The following PLEKHA7 variants were observed in gnomAD, a reference collection of about 807,000 sequenced individuals.
The protein encoded by PLEKHA7 is pleckstrin homology domain-containing family A member 7.
Under a neutral mutation model 170.0 loss-of-function variants are expected in PLEKHA7, and 104 were observed. That is an observed-to-expected ratio of 0.61 (90% confidence interval 0.52 to 0.72). The LOEUF is 0.72. Among genes scored for constraint, PLEKHA7 ranks in the 30% least tolerant of loss-of-function variants. The pLI is 0.00. For synonymous variants in PLEKHA7, 648 were observed against 660.8 expected, an observed-to-expected ratio of 0.98 and a Z score of 0.30; for missense variants, 1,615 against 1,671.7, an observed-to-expected ratio of 0.97 and a Z score of 0.59.
At chr11:16,964,739 G>T (rs1246334378) in intron 3 of PLEKHA7, among the ~76,000 whole-genome samples, 2 of 152,180 alleles carry the variant, frequency 1.3e-5, no homozygotes, top group Non-Finnish European at 2.9e-5. Context: ...TCTCTTACAG[G>T]GCACTGCGCT....
At chr11:16,889,823 A>G (rs1856500008) in intron 3 of PLEKHA7, among the ~76,000 whole-genome samples, 1 of 152,168 alleles carries the variant, frequency 6.6e-6, no homozygotes, top group Non-Finnish European at 1.5e-5. Flanking sequence ...GATGCATTAC[A>G]AGAAGAATCT....
intron 3 of PLEKHA7, among the ~76,000 whole-genome samples, chr11:16,947,687 G>A (rs1190276134): frequency 1.3e-5 from 2 of 151,714 alleles, no homozygotes; most frequent in East Asian, 3.9e-4. Context: ...AGGCTGAGGC[G>A]GGTGGATTGC....
At chr11:16,826,620 T>G in intron 9 of PLEKHA7, 30 bp from the exon 10 acceptor site, 1 of 1,580,722 alleles carries the variant, frequency 6.3e-7, no homozygotes. Flanking sequence ...TTCAGTTTGC[T>G]CCACAGCCAA....
chr11:16,836,815 CTGTTTTTTT>C (rs1851549521), intron 9 of PLEKHA7, among the ~76,000 whole-genome samples: 2 of 138,394 alleles, frequency 1.4e-5, no homozygotes, highest in South Asian at 4.6e-4. Flanking sequence ...TTTGTTTTTT[CTGTTTTTTT>C]TGTTTTGTTT....
intron 3 of PLEKHA7, among the ~76,000 whole-genome samples, chr11:16,876,425 C>T (rs143531013): frequency 3.7e-4 from 57 of 152,350 alleles, no homozygotes; most frequent in African/African-American, 1.2e-3. Context: ...TTTCAAATCC[C>T]GCTCTTCCTC....
intron 4 of PLEKHA7, among the ~76,000 whole-genome samples, chr11:16,863,534 A>G (rs1008617864): frequency 6.6e-6 from 1 of 152,068 alleles, no homozygotes; most frequent in African/African-American, 2.4e-5. Context: ...TCTTCTCTCA[A>G]CCTTAGGCCC....
At chr11:16,940,579 C>A (rs1282417132) in intron 3 of PLEKHA7, among the ~76,000 whole-genome samples, 5 of 152,152 alleles carry the variant, frequency 3.3e-5, no homozygotes, top group Admixed American at 2.0e-4. Context: ...TGAGCCACTG[C>A]ACCTGGCCTC....
At chr11:16,851,063 T>C in intron 8 of PLEKHA7, 128 bp downstream of exon 8, 1 of 600,174 alleles carries the variant, frequency 1.7e-6, no homozygotes, top group Non-Finnish European at 2.8e-6. Context: ...ACTTACAACT[T>C]TGTTAACCGG....
intron 3 of PLEKHA7, among the ~76,000 whole-genome samples, chr11:16,957,697 C>CTTTTTTTTTTCT (rs58942054): frequency 1.0e-4 from 9 of 87,296 alleles, no homozygotes; most frequent in African/African-American, 4.6e-4. Flanking sequence ...TAATTTTTTT[C>CTTTTTTTTTTCT]TTTTTTTTTT....
At chr11:16,788,834 C>A (rs1307859861) in intron 23 of PLEKHA7, 5 of 553,596 alleles carry the variant, frequency 9.0e-6, no homozygotes, top group African/African-American at 1.9e-5. Context: ...CCCTCTCCAT[C>A]GCGGCTGGGA....
chr11:16,936,167 C>T (rs926598590), intron 3 of PLEKHA7, among the ~76,000 whole-genome samples: 1 of 151,702 alleles, frequency 6.6e-6, no homozygotes, highest in Non-Finnish European at 1.5e-5. Flanking sequence ...CTTGGGAGGC[C>T]GAGGTGGGCG....
rs766321472 is a variant in PLEKHA7 at position 16,817,048 on chromosome 11, G to A, written c.1618C>T (p.Pro540Ser). The A allele has an allele frequency of 6.2e-6, 10 of 1,608,894 alleles. No individual in the cohort carries two copies. Among genetic ancestry groups the A allele is most frequent in the African/African-American group, 1.3e-5 (1 of 74,902 alleles). ...AACTCTGGGGAGCCAAGGCAGATGG[G>A]CGCTGTGGGGCTGCCGTGCCGGAAC... ...QQFRHGSPTA[P>S]ICLGSPEFTD... Residue 540 changes from proline (P) to serine (S), a missense_variant, in exon 11 of 27, where the codon CCC becomes TCC. Coordinates refer to ENST00000531066, the MANE Select transcript of PLEKHA7 (RefSeq NM_001329630.2). This position sits in a 1 kb window ranked among gnomAD's most constrained non-coding sequence, Gnocchi z 4.4.
At chr11:17,007,626 T>A (rs913436182) in intron 3 of PLEKHA7, among the ~76,000 whole-genome samples, 5 of 148,242 alleles carry the variant, frequency 3.4e-5, no homozygotes, top group African/African-American at 1.3e-4. Flanking sequence ...CAGGCTGGAG[T>A]GCAGTGGCGT....
At chr11:16,919,655 C>T (rs1858942738) in intron 3 of PLEKHA7, among the ~76,000 whole-genome samples, 2 of 151,842 alleles carry the variant, frequency 1.3e-5, no homozygotes, top group Admixed American at 1.3e-4. Context: ...CAGAGCAAGA[C>T]CTCATCTCTT....
intron 3 of PLEKHA7, among the ~76,000 whole-genome samples, chr11:17,011,339 A>T (rs1167071106): frequency 3.9e-5 from 6 of 151,960 alleles, no homozygotes; most frequent in Non-Finnish European, 7.4e-5. Context: ...TGCAGCATCG[A>T]CTTCTTCCTC....
chr11:17,009,426 T>C (rs1379498024), intron 3 of PLEKHA7, among the ~76,000 whole-genome samples: 2 of 152,192 alleles, frequency 1.3e-5, no homozygotes, highest in South Asian at 2.1e-4. Context: ...CATCAAACTA[T>C]TGTGAGAATT....
intron 3 of PLEKHA7, among the ~76,000 whole-genome samples, chr11:16,915,048 CA>C (rs1461021788): frequency 3.3e-5 from 5 of 152,212 alleles, no homozygotes; most frequent in African/African-American, 7.2e-5. Context: ...CCACTACCCA[CA>C]GATGCAAATA....
At position 16,817,457 on chromosome 11, in the gene PLEKHA7, C is replaced by G; in HGVS notation, c.1344-135G>C. The G allele has an allele frequency of 2.3e-6, 2 of 863,010 alleles. 1 individual carries two copies. The highest frequency in any genetic ancestry group is 4.9e-5 in the South Asian group (2 of 41,116). The allele number at this position is 863,010 out of a possible 1,614,324, so 53.5% of individuals were successfully genotyped here. On this transcript the variant is annotated intron_variant, in intron 10 of 26. Transcript: ENST00000531066. This position sits in a 1 kb window ranked among gnomAD's most constrained non-coding sequence, Gnocchi z 4.4. ...AGAACCTCAAAAGAATGATCAAGGC[C>G]GACATCCAGGACTTCAGTCACTTCC...
At chr11:16,920,453 AAG>A (rs143272431) in intron 3 of PLEKHA7, among the ~76,000 whole-genome samples, 6,795 of 152,256 alleles carry the variant, frequency 0.045, 200 homozygotes, top group Middle Eastern at 0.092. Flanking sequence ...AAACAAAACA[AAG>A]AGAAAAGGTT....
Sources: allele counts gnomAD v4.1 joint callset (sites outside exome capture counted in the v4.1 genomes callset), GRCh38; gene constraint gnomAD v4.1.1; non-coding constraint Gnocchi (gnomAD v3.1); transcripts MANE v1.5; gene names NCBI Gene and HGNC (gene_info 2026-07-23, HGNC 2026-07-21).